ATRNL1: variants seen among roughly 807,000 people sequenced by gnomAD.
ATRNL1 encodes attractin like 1, also known as attractin-like protein 1.
Under a neutral mutation model 182.7 loss-of-function variants are expected in ATRNL1, and 95 were observed. That is an observed-to-expected ratio of 0.52 (90% CI 0.44 to 0.62). ATRNL1 has a LOEUF of 0.62. Ranked by LOEUF, ATRNL1 falls within the 20% of genes least tolerant of loss-of-function variation. The pLI is 0.00. For missense variants in ATRNL1, 1,471 were observed against 1,679.5 expected (o/e 0.88, Z 2.17); for synonymous variants, 576 against 568.3 (o/e 1.01, Z -0.19).
intron 9 of ATRNL1, among the ~76,000 whole-genome samples, chr10:115,222,649 C>T (rs1554897709): frequency 6.6e-6 from 1 of 152,040 alleles, no homozygotes; most frequent in African/African-American, 2.4e-5. Flanking sequence ...TACATGTTTT[C>T]AAATAGCTTA....
intron 24 of ATRNL1, among the ~76,000 whole-genome samples, chr10:115,488,826 A>G (rs1849156011): frequency 6.6e-6 from 1 of 152,080 alleles, no homozygotes; most frequent in Non-Finnish European, 1.5e-5. Context: ...TAGGGTGTCA[A>G]TTTTAGATCT....
chr10:115,255,159 C>T (rs1019209748), intron 10 of ATRNL1, among the ~76,000 whole-genome samples: 1 of 152,058 alleles, frequency 6.6e-6, no homozygotes, highest in African/African-American at 2.4e-5. Flanking sequence ...TAGTTTTTTC[C>T]AATTCTGTGA....
intron 28 of ATRNL1, among the ~76,000 whole-genome samples, chr10:115,907,343 T>C (rs1438413974): frequency 1.3e-5 from 2 of 152,246 alleles, no homozygotes; most frequent in African/African-American, 2.4e-5. Context: ...CCTTTCGGTA[T>C]GTGCTCATTC....
chr10:115,399,683 G>T (rs1176000519), intron 20 of ATRNL1, among the ~76,000 whole-genome samples: 1 of 151,702 alleles, frequency 6.6e-6, no homozygotes, highest in Non-Finnish European at 1.5e-5. Flanking sequence ...TTTCATCTAT[G>T]ATTTTGTTTA....
intron 26 of ATRNL1, among the ~76,000 whole-genome samples, chr10:115,712,514 T>C (rs746777656): frequency 6.6e-5 from 10 of 152,158 alleles, no homozygotes; most frequent in Non-Finnish European, 1.3e-4. Flanking sequence ...AGCAAATGGT[T>C]GATTTTGGTA....
In ATRNL1 at chr10:115,948,411, A is replaced by T. The variant is rs781994158; in HGVS notation, c.*3632A>T. On this transcript the variant is annotated 3_prime_UTR_variant, in exon 29 of 29. Transcript: ENST00000355044. ...CTGACCAAATGAACTAATTCTACCC[A>T]CCTATGGTCTTTTTAAATGTCGAGT... The T allele has an allele frequency of 5.9e-5, 9 of 152,162 alleles. No homozygotes were observed. The highest frequency in any genetic ancestry group is 1.0e-4 in the Non-Finnish European group (7 of 68,024). The allele number at this position is 152,162 out of a possible 1,614,324, so 9.4% of individuals were successfully genotyped here.
At chr10:115,535,246 G>A (rs868973949) in intron 25 of ATRNL1, among the ~76,000 whole-genome samples, 129 of 151,978 alleles carry the variant, frequency 8.5e-4, no homozygotes, top group African/African-American at 2.6e-3. Flanking sequence ...CAGGTACACC[G>A]ATCAGACGTA....
intron 28 of ATRNL1, among the ~76,000 whole-genome samples, chr10:115,938,187 G>A (rs1383014134): frequency 6.6e-6 from 1 of 152,148 alleles, no homozygotes; most frequent in Non-Finnish European, 1.5e-5. Flanking sequence ...TAATTGTTCT[G>A]CATAATTGTA....
At chr10:115,668,748 CT>C (rs1861145856) in intron 26 of ATRNL1, among the ~76,000 whole-genome samples, 1 of 152,038 alleles carries the variant, frequency 6.6e-6, no homozygotes, top group Non-Finnish European at 1.5e-5. Context: ...TAACTTTAAC[CT>C]TTTTATATCA....
At chr10:115,198,778 T>C (rs1054335766) in intron 8 of ATRNL1, among the ~76,000 whole-genome samples, 2 of 152,194 alleles carry the variant, frequency 1.3e-5, no homozygotes, top group Admixed American at 1.3e-4. Context: ...TTTCCTGTTA[T>C]GTGTTTAGGC....
intron 26 of ATRNL1, among the ~76,000 whole-genome samples, chr10:115,623,001 C>A (rs924130544): frequency 6.6e-6 from 1 of 151,966 alleles, no homozygotes; most frequent in Non-Finnish European, 1.5e-5. Flanking sequence ...TTTATCACAA[C>A]GGTATAATAA....
At chr10:115,868,360 C>T (rs1396064323) in intron 28 of ATRNL1, among the ~76,000 whole-genome samples, 1 of 152,146 alleles carries the variant, frequency 6.6e-6, no homozygotes, top group African/African-American at 2.4e-5. Flanking sequence ...AATGAGGTTA[C>T]CCGTGACCGC....
At chr10:115,277,020 AT>A (rs1271604637) in intron 13 of ATRNL1, among the ~76,000 whole-genome samples, 1 of 151,972 alleles carries the variant, frequency 6.6e-6, no homozygotes, top group Non-Finnish European at 1.5e-5. Flanking sequence ...TTCTCATGTC[AT>A]TTTTATAGGT....
At chr10:115,198,932 A>G (rs1355802993) in intron 8 of ATRNL1, among the ~76,000 whole-genome samples, 2 of 152,056 alleles carry the variant, frequency 1.3e-5, no homozygotes, top group African/African-American at 4.8e-5. Flanking sequence ...GCAATCAACT[A>G]ATGGGAGGCC....
chr10:115,126,021 A>G (rs190451371), intron 3 of ATRNL1, among the ~76,000 whole-genome samples: 1 of 152,328 alleles, frequency 6.6e-6, no homozygotes, highest in Admixed American at 6.5e-5. Flanking sequence ...TGTTTTTAAA[A>G]TACTTGTAAA....
At chr10:115,630,066 T>C (rs1858378931) in intron 26 of ATRNL1, among the ~76,000 whole-genome samples, 1 of 152,182 alleles carries the variant, frequency 6.6e-6, no homozygotes, top group East Asian at 1.9e-4. Flanking sequence ...TTGCATTGCC[T>C]GTATATGGTG....
chr10:115,625,090 C>T (rs1168575330), intron 26 of ATRNL1, among the ~76,000 whole-genome samples: 1 of 151,960 alleles, frequency 6.6e-6, no homozygotes, highest in Non-Finnish European at 1.5e-5. Context: ...AATTATATAC[C>T]TTCCCTAAAA....
intron 24 of ATRNL1, among the ~76,000 whole-genome samples, chr10:115,487,630 C>T (rs782609879): frequency 3.9e-5 from 6 of 152,114 alleles, no homozygotes; most frequent in Admixed American, 1.3e-4. Flanking sequence ...AGTTTTTGGA[C>T]GGAGATGATG....
At position 115,429,009 on chromosome 10, in the gene ATRNL1, C is replaced by T. The variant is rs76599679; in HGVS notation, c.3322+2707C>T. On this transcript the variant is annotated intron_variant, in intron 21 of 28. Coordinates refer to ENST00000355044, the MANE Select transcript of ATRNL1 (RefSeq NM_207303.4). ...TCATTCCTTGACATCCTCATCAATA[C>T]AACATTGTCTCTTTGATCATAGACA... Among the ~76,000 whole-genome samples the T allele has an allele frequency of 7.8e-3, 1,190 of 152,134 alleles. 12 individuals carry two copies. Among genetic ancestry groups the T allele is most frequent in the Non-Finnish European group, 0.012 (796 of 67,942 alleles).
Sources: gnomAD v4.1 joint callset for allele counts (sites outside exome capture counted in the v4.1 genomes callset) on GRCh38, gnomAD v4.1.1 for gene constraint, MANE v1.5 for transcripts, NCBI Gene and HGNC (gene_info 2026-07-23, HGNC 2026-07-21) for gene names.